The following PCF11 variants were observed in gnomAD, a reference collection of about 807,000 sequenced individuals.
PCF11 encodes pre-mRNA cleavage complex 2 protein Pcf11.
A neutral mutation model predicts 166.1 loss-of-function variants in PCF11; 19 were observed. The observed-to-expected ratio is 0.11, with a 90% CI of 0.08 to 0.17. The LOEUF (loss-of-function observed/expected upper bound fraction) is 0.17. Among genes scored for constraint, PCF11 ranks in the 10% least tolerant of loss-of-function variants. PCF11 has a pLI of 1.00. For synonymous variants in PCF11, 663 were observed against 644.1 expected, an observed-to-expected ratio of 1.03 and a Z score of -0.44; for missense variants, 1,565 against 1,855.5, an observed-to-expected ratio of 0.84 and a Z score of 2.88.
chr11:83,175,579 C>T (rs1366534805), intron 9 of PCF11, among the ~76,000 whole-genome samples: 7 of 152,018 alleles, frequency 4.6e-5, no homozygotes, highest in African/African-American at 1.4e-4. Flanking sequence ...GGTGAAACCC[C>T]GTCTCTACTA....
chr11:83,161,184 C>T, intron 1 of PCF11, 143 bp from the exon 2 acceptor site: 1 of 613,762 alleles, frequency 1.6e-6, no homozygotes. Context: ...CTTGATTGAA[C>T]ACTTAAGTTT....
intron 1 of PCF11, 101 bp from the exon 2 acceptor site, chr11:83,161,226 A>G: frequency 1.1e-6 from 1 of 870,094 alleles, no homozygotes; most frequent in Non-Finnish European, 1.7e-6. Flanking sequence ...ATTTAGTATC[A>G]ACAAAAATAG....
At chr11:83,179,375 G>A (rs1861004541) in intron 11 of PCF11, among the ~76,000 whole-genome samples, 1 of 151,492 alleles carries the variant, frequency 6.6e-6, no homozygotes, top group Non-Finnish European at 1.5e-5. Context: ...GCAGCCTCCT[G>A]AGTAGCTAAG....
chr11:83,158,705 GCCT>G (rs1860107205), intron 1 of PCF11: 1 of 152,146 alleles, frequency 6.6e-6, no homozygotes, highest in Admixed American at 6.5e-5. Context: ...ATCAGGATGA[GCCT>G]CCTTTTAGCA....
exon 16 of PCF11, chr11:83,186,168 AATTG>A (rs1861284799): frequency 6.6e-6 from 1 of 152,124 alleles, no homozygotes; most frequent in South Asian, 2.1e-4. Context: ...GATACCCCCA[AATTG>A]ATTGTTAGGA....
chr11:83,183,736 CA>C (rs1345263690), intron 15 of PCF11, among the ~76,000 whole-genome samples: 4 of 151,966 alleles, frequency 2.6e-5, no homozygotes, highest in South Asian at 2.1e-4. Flanking sequence ...GTGATCCACC[CA>C]CCTTGGCCTC....
At chr11:83,183,000 G>T in intron 14 of PCF11, 38 bp from the exon 15 acceptor site, 1 of 1,150,056 alleles carries the variant, frequency 8.7e-7, no homozygotes, top group South Asian at 1.4e-5. Context: ...CATTAGAAAT[G>T]AATACGCACA....
exon 8 of PCF11, chr11:83,169,833 T>C: frequency 6.2e-7 from 1 of 1,613,744 alleles, no homozygotes; most frequent in Non-Finnish European, 8.5e-7. Flanking sequence ...AAGGACCAAA[T>C]TTTAATGGAC....
At chr11:83,161,875 T>C (rs1860269521) in intron 2 of PCF11, among the ~76,000 whole-genome samples, 2 of 152,204 alleles carry the variant, frequency 1.3e-5, no homozygotes. Flanking sequence ...AACCTGTGAT[T>C]GGTTCCTGAA....
chr11:83,164,256 C>A, exon 4 of PCF11: 1 of 1,613,736 alleles, frequency 6.2e-7, no homozygotes. Context: ...CCTAGCATCT[C>A]CACTCCTCCA....
chr11:83,165,897 C>T, exon 5 of PCF11: 1 of 1,606,006 alleles, frequency 6.2e-7, no homozygotes, highest in South Asian at 1.1e-5. Context: ...TAAAACTATA[C>T]CCTCTGAAAA....
In PCF11 at chr11:83,184,671, T is replaced by C; in HGVS notation, c.4453-8T>C. ...TCATCAGTACTCATAGGGCCTTTCA[T>C]TTTGTAGACATCTTCATTTGATTGT... On this transcript the variant is annotated splice_region_variant and splice_polypyrimidine_tract_variant and intron_variant, in intron 15 of 15. Transcript: ENST00000298281. 6.2e-7 allele frequency: 1 copy of C among 1,601,708 alleles called. No individual in the cohort carries two copies. Among genetic ancestry groups the C allele is most frequent in the Non-Finnish European group, 8.5e-7 (1 of 1,171,602 alleles).
At chr11:83,183,132 A>C (rs1590941082) in intron 15 of PCF11, 59 bp downstream of exon 15, 6 of 1,032,448 alleles carry the variant, frequency 5.8e-6, no homozygotes, top group Non-Finnish European at 8.5e-6. Context: ...TTTACTTTTC[A>C]GTTTTTTTTT....
At chr11:83,175,892 G>C (rs1009192145) in intron 9 of PCF11, among the ~76,000 whole-genome samples, 3 of 152,234 alleles carry the variant, frequency 2.0e-5, no homozygotes, top group African/African-American at 7.2e-5. Flanking sequence ...ATTTATTCAA[G>C]TTATTGAAGC....
At chr11:83,184,489 T>C in intron 15 of PCF11, 190 bp from the exon 16 acceptor site, 1 of 564,004 alleles carries the variant, frequency 1.8e-6, no homozygotes, top group Middle Eastern at 4.7e-4. Flanking sequence ...GCTGAGTACA[T>C]ATTGAACGTG....
chr11:83,182,347 G>C (rs948185094), intron 13 of PCF11, 52 bp from the exon 14 acceptor site: 5 of 911,346 alleles, frequency 5.5e-6, no homozygotes, highest in Middle Eastern at 2.8e-4. Context: ...TTACTTAATG[G>C]GGTTAAATAT....
intron 15 of PCF11, among the ~76,000 whole-genome samples, chr11:83,183,309 C>A (rs574219471): frequency 1.3e-5 from 2 of 152,246 alleles, no homozygotes; most frequent in Admixed American, 6.5e-5. Flanking sequence ...TGAAATTTAT[C>A]ATTCCTTGCA....
rs1030120354 is a variant in PCF11 at position 83,182,334 on chromosome 11, T to G, written c.4324-65T>G. The stretch of plus-strand genomic sequence containing the variant: ...TACTCCACTTAACAGTGTTTGTATA[T>G]TTTTACTTAATGGGGTTAAATATGG... On this transcript the variant is annotated intron_variant, in intron 13 of 15. Coordinates refer to ENST00000298281, the Ensembl canonical transcript of PCF11. The G allele has an allele frequency of 4.1e-5, 35 of 855,724 alleles. No individual in the cohort carries two copies. In the African/African-American group the frequency reaches 5.3e-4, roughly 13 times the overall value. The allele number at this position is 855,724 out of a possible 1,614,324, so 53.0% of individuals were successfully genotyped here.
At chr11:83,161,564 T>C (rs1377583591) in intron 2 of PCF11, 112 bp downstream of exon 2, 1 of 773,644 alleles carries the variant, frequency 1.3e-6, no homozygotes, top group Non-Finnish European at 2.0e-6. Context: ...TTTATACTTT[T>C]GGACATTTAT....
Sources: gnomAD v4.1 joint callset for allele counts (sites outside exome capture counted in the v4.1 genomes callset) on GRCh38, gnomAD v4.1.1 for gene constraint, MANE v1.5 for transcripts, NCBI Gene and HGNC (gene_info 2026-07-23, HGNC 2026-07-21) for gene names.